HSPG2: variants seen among roughly 807,000 people sequenced by gnomAD.
HSPG2 encodes the protein heparan sulfate proteoglycan 2.
HSPG2 carries 278 observed loss-of-function variants against 526.6 expected under a neutral mutation model. That is an observed-to-expected ratio of 0.53 (90% CI 0.48 to 0.58). The LOEUF is 0.58. Among genes scored for constraint, HSPG2 ranks in the 20% least tolerant of loss-of-function variants. The pLI is 0.00. For missense variants in HSPG2, 5,354 were observed against 6,099.5 expected (o/e 0.88, Z 4.07); for synonymous variants, 2,465 against 2,555.4 (o/e 0.96, Z 1.07).
rs2152755499 is a variant in HSPG2, at chr1:21,881,388, A to C, written c.1769T>G (p.Leu590Arg). The change falls in exon 14 of 97, where the codon CTC becomes CGC. Residue 590 changes from leucine (L) to arginine (R), a missense_variant. Physicochemically the swap from Leu to Arg is moderately radical, Grantham distance 102. Coordinates refer to ENST00000374695, the MANE Select transcript of HSPG2 (RefSeq NM_005529.7). ...CAGAGCCCAGAAGGAGTCGTGGACGAGGAAGCGGCGGGACAGGTCGACTAG... is the reference window on the plus strand; with the variant it reads ...CAGAGCCCAGAAGGAGTCGTGGACGCGGAAGCGGCGGGACAGGTCGACTAG... The part of the protein sequence containing the change: ...FQLVDLSRRF[L>R]VHDSFWALPE... 1 of 1,614,204 alleles carries C rather than the reference A, an allele frequency of 6.2e-7. No individual in the cohort carries two copies. The highest frequency in any genetic ancestry group is 2.2e-5 in the East Asian group (1 of 44,888).
At position 21,859,540 on chromosome 1, in the gene HSPG2, T is replaced by C; in HGVS notation, c.5293+26A>G. ...CAGCCCAGCCCAGGACAGGCAGTCT[T>C]GGTTACAGGGGGCGTAGGGACTCAC... On this transcript the variant is annotated intron_variant, in intron 42 of 96. Transcript: ENST00000374695. The surrounding 1 kb of genome is among the most constrained non-coding windows in gnomAD (Gnocchi z 5.3). The C allele has an allele frequency of 6.5e-7, 1 of 1,528,440 alleles. No individual in the cohort carries two copies. The highest frequency in any genetic ancestry group is 8.9e-7 in the Non-Finnish European group (1 of 1,121,214). 94.7% of individuals were successfully genotyped at this position (1,528,440 alleles called of 1,614,324 possible). A position where few individuals can be genotyped will look rare whatever the true frequency, so the allele number is the denominator to read the frequency against.
intron 1 of HSPG2, chr1:21,908,321 T>C: frequency 1.0e-6 from 1 of 992,908 alleles, no homozygotes; most frequent in Non-Finnish European, 1.6e-6. Context: ...GCTAGCATTG[T>C]TGTAAACAAA....
At position 21,852,983 on chromosome 1, in the gene HSPG2, G is replaced by A. The variant is rs761913760; in HGVS notation, c.6527C>T (p.Pro2176Leu). Reference protein sequence around the residue: ...GQTLDLNCVVPGQAHAQVTWH... With the variant: ...GQTLDLNCVVLGQAHAQVTWH... ...CGTGACCTGGGCGTGGGCCTGCCCG[G>A]GCACCACGCAGTTCAGATCCAGGGT... Residue 2176 changes from proline to leucine, a missense_variant, in exon 51 of 97, where the codon CCC (proline) becomes CTC (leucine). Pro to Leu is a moderately conservative substitution (Grantham distance 98). Transcript: ENST00000374695. 2.5e-6 allele frequency: 4 copies of A among 1,613,584 alleles called. No homozygotes were observed. The highest frequency in any genetic ancestry group is 3.4e-6 in the Non-Finnish European group (4 of 1,179,938).
chr1:21,902,384 T>G (rs538672454), intron 1 of HSPG2, among the ~76,000 whole-genome samples: 2 of 152,150 alleles, frequency 1.3e-5, no homozygotes, highest in South Asian at 4.2e-4. Context: ...CCAACACGCA[T>G]CCAGGGCTTC....
intron 27 of HSPG2, 24 bp from the exon 28 acceptor site, chr1:21,874,557 A>G (rs1640900915): frequency 6.2e-7 from 1 of 1,613,620 alleles, no homozygotes; most frequent in Non-Finnish European, 8.5e-7. Flanking sequence ...ATGTGAGTTG[A>G]GGCTGGGCCT....
chr1:21,932,949 T>C (rs984902313), intron 1 of HSPG2, among the ~76,000 whole-genome samples: 13 of 152,206 alleles, frequency 8.5e-5, no homozygotes, highest in African/African-American at 3.1e-4. Flanking sequence ...CTGGGTGCAG[T>C]GGCTCACGCC....
At chr1:21,831,161 A>C (rs1572154436) in intron 84 of HSPG2, 54 bp downstream of exon 84, 1 of 1,600,004 alleles carries the variant, frequency 6.2e-7, no homozygotes, top group East Asian at 2.2e-5. Context: ...GGGGCCAGCC[A>C]TGGCTAGGGG....
chr1:21,831,681 C>G lies in HSPG2; in HGVS notation c.11323G>C (p.Asp3775His). 4 of 1,605,776 alleles carry G rather than the reference C, an allele frequency of 2.5e-6. No individual in the cohort carries two copies. The highest frequency in any genetic ancestry group is 2.6e-6 in the Non-Finnish European group (3 of 1,175,624). ...SLTQGSLIVG[D>H]LAPVNGTSQG... Reference sequence around the variant, plus strand: ...GAGGTCCCATTGACCGGGGCCAGGTCACCCACAATCAGGGAGCCCTGGGTG... The same window carrying G: ...GAGGTCCCATTGACCGGGGCCAGGTGACCCACAATCAGGGAGCCCTGGGTG... Residue 3775 changes from aspartate (D) to histidine (H), a missense_variant, in exon 82 of 97, where the codon GAC becomes CAC. Physicochemically the swap from Asp to His is moderately conservative, Grantham distance 81. Coordinates refer to ENST00000374695, the MANE Select transcript of HSPG2 (RefSeq NM_005529.7).
chr1:21,842,017 T>G lies in HSPG2; in HGVS notation c.9178A>C (p.Asn3060His), dbSNP rs1322283156. Residue 3060 changes from asparagine to histidine, a missense_variant, in exon 69 of 97, where the codon AAC becomes CAC. Coordinates refer to ENST00000374695, the MANE Select transcript of HSPG2 (RefSeq NM_005529.7). ...CCTGGCTCACCCTCCAGCTCCTGGTTCCGGGTCTTCCACTCGAGGCTGATG... is the reference window on the plus strand; with the variant it reads ...CCTGGCTCACCCTCCAGCTCCTGGTGCCGGGTCTTCCACTCGAGGCTGATG... ...APISLEWKTR[N>H]QELEDNVHIS... is the part of the protein sequence containing the mutation. 1 of 1,613,356 alleles carries G rather than the reference T, an allele frequency of 6.2e-7. No homozygotes were observed.
Position 21,937,223 on chromosome 1 carries a change from G to T in HSPG2, c.-6C>A. The T allele has an allele frequency of 2.1e-6, 2 of 948,954 alleles. No homozygotes were observed. The highest frequency in any genetic ancestry group is 2.5e-6 in the Non-Finnish European group (2 of 793,560). 58.8% of individuals were successfully genotyped at this position (948,954 alleles called of 1,614,324 possible). ...CCCGCCGCCCGCCACCCCATGGCCC[G>T]GCCCGCGCCGCTCTCTCGCTCGCTC... is the stretch of plus-strand genomic sequence containing the variant. On this transcript the variant is annotated 5_prime_UTR_variant, in exon 1 of 97. Coordinates refer to ENST00000374695, the MANE Select transcript of HSPG2 (RefSeq NM_005529.7).
At position 21,823,337 on chromosome 1, in the gene HSPG2, G is replaced by A; in HGVS notation, c.13155C>T (p.Asn4385=). Residue 4385 remains asparagine (N), a synonymous_variant, in exon 97 of 97, where the codon AAC becomes AAT. Transcript: ENST00000374695. ...GTGCCTACGAGGGGCAGGGGCGTGTGTTGGCCCCGGCCTGGGCGCGGTGCT... is the reference window on the plus strand; with the variant it reads ...GTGCCTACGAGGGGCAGGGGCGTGTATTGGCCCCGGCCTGGGCGCGGTGCT... ...DLQHRAQAGA[N]TRPCPS is the part of the protein sequence containing the mutation. 2.6e-6 allele frequency: 4 copies of A among 1,541,924 alleles called. No individual in the cohort carries two copies. The highest frequency in any genetic ancestry group is 3.5e-6 in the Non-Finnish European group (4 of 1,146,732).
chr1:21,874,860 T>C (rs774607029), intron 26 of HSPG2, 31 bp downstream of exon 26: 1 of 1,572,848 alleles, frequency 6.4e-7, no homozygotes, highest in Non-Finnish European at 8.7e-7. Context: ...TGGAGGGGGC[T>C]GGCTGGGCTG....
chr1:21,888,076 G>A lies in HSPG2; in HGVS notation c.575-10C>T, dbSNP rs774103383. On this transcript the variant is annotated splice_polypyrimidine_tract_variant and intron_variant, in intron 6 of 96. Transcript: ENST00000374695. Reference sequence around the variant, plus strand: ...CTTGGGAACTGGGGCACTGCAGGTGGAAAGGAAGCAGACTGGAGTCAGAGG... The same window carrying A: ...CTTGGGAACTGGGGCACTGCAGGTGAAAAGGAAGCAGACTGGAGTCAGAGG... The A allele has an allele frequency of 6.2e-7, 1 of 1,613,938 alleles. No individual in the cohort carries two copies. The highest frequency in any genetic ancestry group is 8.5e-7 in the Non-Finnish European group (1 of 1,180,036).
Position 21,841,545 on chromosome 1 carries a change from C to T in HSPG2, c.9322G>A (p.Val3108Met). Residue 3108 changes from valine to methionine, a missense_variant, in exon 70 of 97, where the codon GTG (valine) becomes ATG (methionine). Transcript: ENST00000374695. ...GVAQSVVNLSVHGPPTVSVLP... is the reference protein window; with the variant it reads ...GVAQSVVNLSMHGPPTVSVLP... ...AGGGTCAACGTCCCCTCACCGTGCA[C>T]ACTGAGGTTCACCACACTCTGGGCC... 3.1e-6 allele frequency: 5 copies of T among 1,614,240 alleles called. No individual in the cohort carries two copies. The highest frequency in any genetic ancestry group is 4.2e-6 in the Non-Finnish European group (5 of 1,180,042).
In HSPG2 at chr1:21,887,441, C is replaced by G. The variant is rs536020535; in HGVS notation, c.937G>C (p.Gly313Arg). The G allele has an allele frequency of 9.3e-6, 15 of 1,614,052 alleles. No individual in the cohort carries two copies. In the East Asian group the frequency reaches 1.8e-4, roughly 19 times the overall value. ...LCDGQEDCED[G>R]SDELDCGPPP... ...GCACCACAGTCTAGCTCATCGCTGC[C>G]GTCCTCGCAGTCCTCCTGTCCGTCG... The change falls in exon 8 of 97, where the codon GGC becomes CGC. Residue 313 changes from glycine to arginine, a missense_variant. Transcript: ENST00000374695. This position sits in a 1 kb window ranked among gnomAD's most constrained non-coding sequence, Gnocchi z 5.0.
At chr1:21,851,102 A>G (rs1230694947) in intron 55 of HSPG2, among the ~76,000 whole-genome samples, 1 of 151,656 alleles carries the variant, frequency 6.6e-6, no homozygotes, top group Non-Finnish European at 1.5e-5. Flanking sequence ...CTTCCCGAGT[A>G]GCTGGGATTA....
At chr1:21,899,378 C>G (rs141637966) in intron 1 of HSPG2, among the ~76,000 whole-genome samples, 176 of 152,270 alleles carry the variant, frequency 1.2e-3, no homozygotes, top group African/African-American at 4.1e-3. Flanking sequence ...AGACCAGGAT[C>G]TGCTTGAAGA....
intron 20 of HSPG2, 28 bp from the exon 21 acceptor site, chr1:21,878,281 G>A (rs778284957): frequency 6.2e-7 from 1 of 1,611,704 alleles, no homozygotes. Context: ...TGTTGGCAGG[G>A]CAGGTGGGAA....
intron 6 of HSPG2, among the ~76,000 whole-genome samples, chr1:21,889,313 C>T (rs1642178693): frequency 6.6e-6 from 1 of 152,148 alleles, no homozygotes; most frequent in African/African-American, 2.4e-5. Context: ...GAGGTTAAAA[C>T]AGGAGACCAA....
Sources: gnomAD v4.1 joint callset for allele counts (sites outside exome capture counted in the v4.1 genomes callset) on GRCh38, gnomAD v4.1.1 for gene constraint, Gnocchi (gnomAD v3.1) non-coding constraint, MANE v1.5 for transcripts, NCBI Gene and HGNC (gene_info 2026-07-23, HGNC 2026-07-21) for gene names.